MYO3B: variants seen among roughly 807,000 people sequenced by gnomAD.
MYO3B encodes the protein myosin-IIIb.
In MYO3B, 156 loss-of-function variants were observed where a neutral mutation model predicts 174.6. The observed-to-expected ratio is 0.89, with a 90% CI of 0.78 to 1.02. The LOEUF (loss-of-function observed/expected upper bound fraction) is 1.02, where lower values mean the gene tolerates loss of function less well. MYO3B is among the 50% of genes least tolerant of loss of function. The pLI is 0.00. For synonymous variants in MYO3B, 563 were observed against 569.1 expected, an observed-to-expected ratio of 0.99 and a Z score of 0.15; for missense variants, 1,632 against 1,639.4, an observed-to-expected ratio of 1.00 and a Z score of 0.08.
At chr2:170,438,145 A>G (rs1249724673) in intron 22 of MYO3B, among the ~76,000 whole-genome samples, 1 of 152,034 alleles carries the variant, frequency 6.6e-6, no homozygotes, top group African/African-American at 2.4e-5. Context: ...GAGTTTGACT[A>G]CTTTTGATAT....
chr2:170,530,417 C>T (rs1355691538), intron 30 of MYO3B, among the ~76,000 whole-genome samples: 1 of 152,204 alleles, frequency 6.6e-6, no homozygotes, highest in East Asian at 1.9e-4. Flanking sequence ...CTGGCCAGCT[C>T]CCAGGACTCA....
intron 22 of MYO3B, among the ~76,000 whole-genome samples, chr2:170,441,876 T>A (rs990408566): frequency 6.6e-5 from 10 of 152,216 alleles, no homozygotes; most frequent in African/African-American, 2.4e-4. Context: ...CAACCTGTTT[T>A]ATCAGCAAGG....
intron 7 of MYO3B, among the ~76,000 whole-genome samples, chr2:170,267,956 C>T (rs189788316): frequency 6.6e-5 from 10 of 152,198 alleles, no homozygotes; most frequent in Admixed American, 1.3e-4. Context: ...GCCTGTAATC[C>T]CAGCACTTTG....
intron 32 of MYO3B, chr2:170,640,675 T>TA (rs1286681654): frequency 6.6e-6 from 1 of 152,250 alleles, no homozygotes; most frequent in Non-Finnish European, 1.5e-5. Flanking sequence ...ATGGTGCTAG[T>TA]ATGTCTTAAA....
chr2:170,301,393 ACAAC>A (rs1448892080), intron 7 of MYO3B, among the ~76,000 whole-genome samples: 2 of 152,238 alleles, frequency 1.3e-5, no homozygotes, highest in African/African-American at 4.8e-5. Flanking sequence ...AAATCAGGAA[ACAAC>A]CACTTATAAT....
rs1023378541 is a variant in MYO3B at position 170,206,637 on chromosome 2, A to G, written c.321+6353A>G. Among the ~76,000 whole-genome samples, 1 of 152,114 alleles carries G rather than the reference A, an allele frequency of 6.6e-6. No individual in the cohort carries two copies. Among genetic ancestry groups the G allele is most frequent in the African/African-American group, 2.4e-5 (1 of 41,422 alleles). ...ACTTTGTGGAGTGGCATATTCCAGT[A>G]TTTATATCCAATTTTCACTGTCCAG... On this transcript the variant is annotated intron_variant, in intron 3 of 34. Coordinates refer to ENST00000408978, the MANE Select transcript of MYO3B (RefSeq NM_138995.5). The surrounding 1 kb of genome is among the most constrained non-coding windows in gnomAD (Gnocchi z 4.3).
At position 170,509,929 on chromosome 2, in the gene MYO3B, C is replaced by T. The variant is rs181080541; in HGVS notation, c.3371-4992C>T. ...GGCAGCCTAACAGCTGAACGACAGC[C>T]GTTTGGCCGGGAGTTCAAACCTCAA... On this transcript the variant is annotated intron_variant, in intron 28 of 34. Transcript: ENST00000408978. Among the ~76,000 whole-genome samples, 26 of 152,250 alleles carry T rather than the reference C, an allele frequency of 1.7e-4. No homozygotes were observed. The East Asian group carries it at 4.1e-3, about 24-fold the overall frequency.
chr2:170,568,492 C>T (rs143170259), intron 32 of MYO3B, among the ~76,000 whole-genome samples: 1 of 152,344 alleles, frequency 6.6e-6, no homozygotes, highest in East Asian at 1.9e-4. Flanking sequence ...TGTTTCCACA[C>T]AGATGGCATT....
At chr2:170,473,105 A>G (rs1431209031) in intron 25 of MYO3B, among the ~76,000 whole-genome samples, 3 of 134,844 alleles carry the variant, frequency 2.2e-5, no homozygotes, top group African/African-American at 8.0e-5. Context: ...CTTCTTTTTC[A>G]TCACTATTTT....
At chr2:170,473,035 G>A (rs369344306) in intron 25 of MYO3B, among the ~76,000 whole-genome samples, 3 of 151,990 alleles carry the variant, frequency 2.0e-5, no homozygotes, top group African/African-American at 7.2e-5. Flanking sequence ...GTCCGATGCA[G>A]TGCCTGGCAC....
At chr2:170,594,617 T>G (rs956854090) in intron 32 of MYO3B, among the ~76,000 whole-genome samples, 1 of 152,142 alleles carries the variant, frequency 6.6e-6, no homozygotes, top group Admixed American at 6.5e-5. Context: ...TACTGTGAAT[T>G]CATTGCCTGA....
At chr2:170,420,237 A>G (rs1392026024) in intron 22 of MYO3B, among the ~76,000 whole-genome samples, 1 of 152,136 alleles carries the variant, frequency 6.6e-6, no homozygotes, top group East Asian at 1.9e-4. Flanking sequence ...CAAACAAAAC[A>G]AGAATGAATT....
At chr2:170,381,895 C>T in intron 9 of MYO3B, 121 bp from the exon 10 acceptor site, 2 of 758,258 alleles carry the variant, frequency 2.6e-6, no homozygotes, top group Admixed American at 2.2e-5. Context: ...ACTTCCTGTC[C>T]CTGTCTCTGA....
intron 8 of MYO3B, among the ~76,000 whole-genome samples, chr2:170,364,278 G>C (rs1200055151): frequency 1.6e-5 from 1 of 62,554 alleles, no homozygotes; most frequent in Non-Finnish European, 5.1e-5. Context: ...GGCTCAAATA[G>C]AATTAAACTT....
intron 32 of MYO3B, among the ~76,000 whole-genome samples, chr2:170,564,454 T>C (rs1002325678): frequency 6.6e-6 from 1 of 152,108 alleles, no homozygotes; most frequent in Non-Finnish European, 1.5e-5. Context: ...GCCTGGGCAA[T>C]GGAACGAGCC....
intron 32 of MYO3B, among the ~76,000 whole-genome samples, chr2:170,547,825 G>A (rs1259950005): frequency 6.6e-6 from 1 of 152,140 alleles, no homozygotes; most frequent in African/African-American, 2.4e-5. Context: ...CAATTATGTG[G>A]GATGTTAGAA....
chr2:170,344,787 A>G lies in MYO3B; in HGVS notation c.815+9337A>G, dbSNP rs150116317. Reference sequence around the variant, plus strand: ...GTAGTATCAAATGACAGTGATGAATACTATAACTCACAATAATGATGCCAT... The same window carrying G: ...GTAGTATCAAATGACAGTGATGAATGCTATAACTCACAATAATGATGCCAT... On this transcript the variant is annotated intron_variant, in intron 8 of 34. Coordinates refer to ENST00000408978, the MANE Select transcript of MYO3B (RefSeq NM_138995.5). The G allele has an allele frequency of 2.0e-5, 3 of 152,332 alleles. No individual in the cohort carries two copies. In the East Asian group the frequency reaches 5.8e-4, roughly 29 times the overall value. The allele number at this position is 152,332 out of a possible 1,614,324, so 9.4% of individuals were successfully genotyped here.
chr2:170,635,546 C>T lies in MYO3B; in HGVS notation c.3734-16082C>T, dbSNP rs982721389. Among the ~76,000 whole-genome samples, 54 of 152,078 alleles carry T rather than the reference C, an allele frequency of 3.6e-4. 1 individual carries two copies. Among genetic ancestry groups the T allele is most frequent in the East Asian group, 1.9e-3 (10 of 5,168 alleles). ...AGTTAATGGGTGCAGCAAACCAACA[C>T]AACACATGTATACATATGTAACAAA... On this transcript the variant is annotated intron_variant, in intron 32 of 34. Coordinates refer to ENST00000408978, the MANE Select transcript of MYO3B (RefSeq NM_138995.5).
At chr2:170,303,242 G>C (rs2093677924) in intron 7 of MYO3B, among the ~76,000 whole-genome samples, 1 of 152,010 alleles carries the variant, frequency 6.6e-6, no homozygotes, top group African/African-American at 2.4e-5. Context: ...CATCTTTGCT[G>C]TCCAAAGAGA....
Sources: gnomAD v4.1 joint callset for allele counts (sites outside exome capture counted in the v4.1 genomes callset) on GRCh38, gnomAD v4.1.1 for gene constraint, Gnocchi (gnomAD v3.1) non-coding constraint, MANE v1.5 for transcripts, NCBI Gene and HGNC (gene_info 2026-07-23, HGNC 2026-07-21) for gene names.